The following LAMC2 variants were observed in gnomAD, a reference collection of about 807,000 sequenced individuals.
The protein encoded by LAMC2 is laminin subunit gamma-2.
In LAMC2, 97 loss-of-function variants were observed where a neutral mutation model predicts 140.2. That is an observed-to-expected ratio of 0.69 (90% CI 0.59 to 0.82). The LOEUF (loss-of-function observed/expected upper bound fraction) is 0.82, where lower values mean the gene tolerates loss of function less well. Ranked by LOEUF, LAMC2 falls within the 40% of genes least tolerant of loss-of-function variation. The pLI, the probability that LAMC2 is intolerant of heterozygous loss-of-function variation, is 0.00. For synonymous variants in LAMC2, 513 were observed against 540.2 expected (o/e 0.95, Z 0.70); for missense variants, 1,402 against 1,476.1 (o/e 0.95, Z 0.82).
intron 10 of LAMC2, among the ~76,000 whole-genome samples, chr1:183,227,907 G>T (rs112040883): frequency 6.6e-4 from 100 of 152,254 alleles, no homozygotes; most frequent in African/African-American, 2.4e-3. Context: ...GTGCAATTAT[G>T]GGAGAAAACA....
intron 20 of LAMC2, 28 bp from the exon 21 acceptor site, chr1:183,240,012 C>T (rs1660081533): frequency 6.2e-7 from 1 of 1,614,018 alleles, no homozygotes; most frequent in Non-Finnish European, 8.5e-7. Flanking sequence ...ATCTCTCCTT[C>T]CGTCCCTGGC....
chr1:183,222,933 A>G (rs1659516614), intron 6 of LAMC2, among the ~76,000 whole-genome samples: 2 of 152,182 alleles, frequency 1.3e-5, no homozygotes, highest in African/African-American at 4.8e-5. Context: ...AGGCCCTCTT[A>G]TCATTTCAGT....
At chr1:183,220,995 T>C (rs1309071435) in intron 5 of LAMC2, 34 bp downstream of exon 5, 3 of 1,606,858 alleles carry the variant, frequency 1.9e-6, no homozygotes, top group South Asian at 1.1e-5. Context: ...TTTAGTTTTT[T>C]AATGTTGTAC....
intron 16 of LAMC2, 57 bp from the exon 17 acceptor site, chr1:183,236,403 A>AAAG: frequency 1.3e-6 from 2 of 1,525,552 alleles, no homozygotes; most frequent in Non-Finnish European, 8.9e-7. Context: ...AAAAAAAAAA[A>AAAG]AAAGAATTCT....
At chr1:183,196,171 C>G (rs1027318308) in intron 1 of LAMC2, among the ~76,000 whole-genome samples, 4 of 148,952 alleles carry the variant, frequency 2.7e-5, no homozygotes, top group African/African-American at 9.9e-5. Flanking sequence ...GAGTTTCACT[C>G]TTGTTGCCCA....
At chr1:183,236,692 C>A in intron 17 of LAMC2, 88 bp downstream of exon 17, 1 of 1,465,032 alleles carries the variant, frequency 6.8e-7, no homozygotes, top group Non-Finnish European at 9.6e-7. Flanking sequence ...TTCAAACATT[C>A]AGCTTTTTCT....
At chr1:183,212,644 T>A (rs1191835083) in intron 2 of LAMC2, among the ~76,000 whole-genome samples, 1 of 152,164 alleles carries the variant, frequency 6.6e-6, no homozygotes, top group Non-Finnish European at 1.5e-5. Flanking sequence ...TCAGCCTGAG[T>A]GTTGAGGGCT....
chr1:183,186,474 G>C, intron 1 of LAMC2, 43 bp downstream of exon 1: 1 of 1,592,678 alleles, frequency 6.3e-7, no homozygotes, highest in African/African-American at 1.3e-5. Flanking sequence ...CCTGGGCTGA[G>C]AATCTGCCTT....
intron 15 of LAMC2, 90 bp downstream of exon 15, chr1:183,234,536 C>T (rs941170549): frequency 2.0e-6 from 2 of 1,002,934 alleles, no homozygotes; most frequent in African/African-American, 3.2e-5. Flanking sequence ...ACCCAAGCAT[C>T]GTATTTATTC....
intron 18 of LAMC2, among the ~76,000 whole-genome samples, chr1:183,237,802 C>T (rs1376102056): frequency 6.6e-6 from 1 of 152,216 alleles, no homozygotes; most frequent in Non-Finnish European, 1.5e-5. Flanking sequence ...GAGAGGATCA[C>T]TTGAGCTCAT....
rs1659669242 is a variant in LAMC2 at position 183,227,659 on chromosome 1, AG to A, written c.1432del (p.Glu478ArgfsTer34). The A allele has an allele frequency of 1.2e-6, 2 of 1,614,064 alleles. No individual in the cohort carries two copies. The highest frequency in any genetic ancestry group is 1.7e-6 in the Non-Finnish European group (2 of 1,180,038). ...GFSCSVMPET[E>X]EVVCNNCPPG... Reference sequence around the variant, plus strand: ...AGCTGCTCAGTGATGCCGGAGACGGAGGAGGTGGTGTGCAATAACTGCCCTC... The same window carrying A: ...AGCTGCTCAGTGATGCCGGAGACGGAGAGGTGGTGTGCAATAACTGCCCTC... On this transcript the variant is annotated frameshift_variant, in exon 10 of 23. Coordinates refer to ENST00000264144, the MANE Select transcript of LAMC2 (RefSeq NM_005562.3). LOFTEE classifies it high-confidence loss of function.
chr1:183,195,140 C>T (rs899829563), intron 1 of LAMC2, among the ~76,000 whole-genome samples: 1 of 152,170 alleles, frequency 6.6e-6, no homozygotes, highest in Non-Finnish European at 1.5e-5. Flanking sequence ...CCCCAGTTTC[C>T]CTGTTCACTG....
the LAMC2 span, chr1:183,252,575 G>T: frequency 9.1e-7 from 1 of 1,102,070 alleles, no homozygotes; most frequent in Non-Finnish European, 1.4e-6. Context: ...AAACAGAGAG[G>T]CAGGAGAGAA....
chr1:183,232,909 T>G (rs774656587), intron 14 of LAMC2, 52 bp downstream of exon 14: 1 of 1,521,424 alleles, frequency 6.6e-7, no homozygotes, highest in South Asian at 1.1e-5. Context: ...TTGGGAGACC[T>G]ACTTGTAGAT....
intron 1 of LAMC2, among the ~76,000 whole-genome samples, chr1:183,190,266 A>T (rs1658289436): frequency 6.6e-6 from 1 of 152,296 alleles, no homozygotes; most frequent in Admixed American, 6.5e-5. Context: ...TGTTATTGTT[A>T]CAACTAACTG....
At chr1:183,239,626 G>T in intron 20 of LAMC2, 63 bp downstream of exon 20, 1 of 1,415,106 alleles carries the variant, frequency 7.1e-7, no homozygotes, top group Non-Finnish European at 9.8e-7. Flanking sequence ...GGTGTGGAGG[G>T]AAAAAGAACA....
At chr1:183,241,400 T>A in intron 22 of LAMC2, 1 of 834,334 alleles carries the variant, frequency 1.2e-6, no homozygotes, top group Non-Finnish European at 1.4e-6. Flanking sequence ...AGTAGGCCTG[T>A]GAGATAATTT....
At chr1:183,239,301 C>G (rs957059646) in intron 19 of LAMC2, 63 bp from the exon 20 acceptor site, 7 of 1,412,104 alleles carry the variant, frequency 5.0e-6, no homozygotes, top group African/African-American at 2.8e-5. Flanking sequence ...AACATCAGCC[C>G]CTTTCACTCA....
intron 9 of LAMC2, 100 bp from the exon 10 acceptor site, chr1:183,227,415 A>G (rs780212737): frequency 2.2e-5 from 26 of 1,190,932 alleles, no homozygotes; most frequent in Non-Finnish European, 3.2e-5. Flanking sequence ...AGGCTTCAGA[A>G]AGGAAGGCTT....
Sources: gnomAD v4.1 joint callset for allele counts (sites outside exome capture counted in the v4.1 genomes callset) on GRCh38, gnomAD v4.1.1 for gene constraint, MANE v1.5 for transcripts, NCBI Gene and HGNC (gene_info 2026-07-23, HGNC 2026-07-21) for gene names.